The following SORBS3 variants were observed in gnomAD, a reference collection of about 807,000 sequenced individuals.
SORBS3 encodes the protein vinexin.
SORBS3 carries 69 observed loss-of-function variants against 98.0 expected under a neutral mutation model. The observed-to-expected ratio is 0.70, with a 90% confidence interval of 0.58 to 0.86. The LOEUF (loss-of-function observed/expected upper bound fraction) is 0.86, where lower values mean the gene tolerates loss of function less well. SORBS3 is among the 40% of genes least tolerant of loss of function. The pLI is 0.00. For missense variants in SORBS3, 954 were observed against 908.5 expected (o/e 1.05, Z -0.64); for synonymous variants, 394 against 355.4 (o/e 1.11, Z -1.22).
intron 7 of SORBS3, among the ~76,000 whole-genome samples, chr8:22,563,388 G>C (rs1037941538): frequency 1.3e-5 from 2 of 152,196 alleles, no homozygotes; most frequent in Non-Finnish European, 2.9e-5. Context: ...TACTGCAGTG[G>C]CTGGGGTGGT....
chr8:22,549,249 C>T (rs756231999), upstream of SORBS3, among the ~76,000 whole-genome samples: 1 of 152,202 alleles, frequency 6.6e-6, no homozygotes. Context: ...GTCGTGCATG[C>T]AAAGGAGAGA....
In SORBS3 at chr8:22,574,869, C is replaced by A; in HGVS notation, c.*141C>A. ...CTGCAGACGACCCCCGCAGCCTTTC[C>A]CTCGGACCCCCCTCGAAGCCCCCTG... On this transcript the variant is annotated 3_prime_UTR_variant, in exon 21 of 21. Coordinates refer to ENST00000240123, the MANE Select transcript of SORBS3 (RefSeq NM_005775.5). The A allele has an allele frequency of 1.3e-6, 1 of 786,810 alleles. No individual in the cohort carries two copies. The highest frequency in any genetic ancestry group is 2.6e-5 in the East Asian group (1 of 38,944). The allele number at this position is 786,810 out of a possible 1,614,324, so 48.7% of individuals were successfully genotyped here. A position where few individuals can be genotyped will look rare whatever the true frequency, so the allele number is the denominator to read the frequency against.
intron 11 of SORBS3, 177 bp from the exon 12 acceptor site, chr8:22,565,649 C>G (rs887781842): frequency 8.5e-7 from 1 of 1,178,222 alleles, no homozygotes; most frequent in Non-Finnish European, 1.1e-6. Flanking sequence ...CGGGGACCCC[C>G]GCCCCTTCCC....
At chr8:22,551,685 C>G (rs1238617068), upstream of SORBS3, 140 of 969,944 alleles carry the variant, frequency 1.4e-4, no homozygotes, top group Non-Finnish European at 1.6e-4. This position sits in a 1 kb window ranked among gnomAD's most constrained non-coding sequence, Gnocchi z 5.8. Flanking sequence ...CAGGGGGCCA[C>G]CAGTGTCCCC....
At position 22,571,170 on chromosome 8, in the gene SORBS3, C is replaced by T; in HGVS notation, c.1692C>T (p.Pro564=). ...TCGACTTGGGGGGACAGACCTCCCC[C>T]CGTCGCACTGGCTTCTCCTTCCCCA... ...DPIDLGGQTS[P]RRTGFSFPTQ... is the part of the protein sequence containing the mutation. The change falls in exon 18 of 21, where the codon CCC becomes CCT. Residue 564 remains proline (P), a synonymous_variant. Coordinates refer to ENST00000240123, the MANE Select transcript of SORBS3 (RefSeq NM_005775.5). 6.3e-7 allele frequency: 1 copy of T among 1,582,646 alleles called. No homozygotes were observed. Among genetic ancestry groups the T allele is most frequent in the Non-Finnish European group, 8.6e-7 (1 of 1,166,234 alleles).
chr8:22,557,673 C>A (rs1840211232), intron 4 of SORBS3, among the ~76,000 whole-genome samples: 1 of 151,902 alleles, frequency 6.6e-6, no homozygotes, highest in African/African-American at 2.4e-5. Context: ...ATTAGCTAGG[C>A]AAGGTGGTGC....
intron 20 of SORBS3, among the ~76,000 whole-genome samples, chr8:22,573,654 C>T (rs1425231025): frequency 6.8e-6 from 1 of 146,236 alleles, no homozygotes; most frequent in South Asian, 2.3e-4. Flanking sequence ...AAGGGAGGTA[C>T]TCGGGGCAGA....
intron 10 of SORBS3, 82 bp from the exon 11 acceptor site, chr8:22,565,186 C>A: frequency 6.7e-7 from 1 of 1,493,154 alleles, no homozygotes; most frequent in Non-Finnish European, 9.1e-7. Context: ...GCTGGCCTTG[C>A]TTTTCACAGT....
chr8:22,571,689 G>T (rs1031122947), intron 18 of SORBS3, 29 bp from the exon 19 acceptor site: 5 of 1,545,226 alleles, frequency 3.2e-6, no homozygotes, highest in Non-Finnish European at 4.5e-6. Context: ...TCCTCCCTCT[G>T]ACATCCCTTT....
rs542657991 is a variant in SORBS3, at chr8:22,556,871, C to T, written c.377C>T (p.Pro126Leu). ...TGGGTCAAGTACGAGGGAATCGGGC[C>T]CGTGGACGAGAGCGGCATGCCCATT... ...KRWVKYEGIG[P>L]VDESGMPIAP... Residue 126 changes from proline to leucine, a missense_variant, in exon 4 of 21, where the codon CCC (proline) becomes CTC (leucine). Transcript: ENST00000240123. The T allele has an allele frequency of 1.2e-6, 2 of 1,613,354 alleles. No homozygotes were observed. The highest frequency in any genetic ancestry group is 2.7e-5 in the African/African-American group (2 of 75,048).
chr8:22,558,281 C>A, intron 5 of SORBS3, 89 bp downstream of exon 5: 2 of 1,239,362 alleles, frequency 1.6e-6, no homozygotes, highest in Non-Finnish European at 2.4e-6. Flanking sequence ...GGGGACTTAG[C>A]TGCTCAAGGG....
intron 1 of SORBS3, chr8:22,545,320 CTCTTA>C (rs770202558): frequency 4.7e-4 from 72 of 152,278 alleles, no homozygotes; most frequent in African/African-American, 1.4e-3. Context: ...GTGTTGTTTA[CTCTTA>C]TCTTGAGTGT....
At position 22,554,625 on chromosome 8, in the gene SORBS3, G is replaced by C. The variant is rs1458628362; in HGVS notation, c.102+17G>C. 1 of 1,606,412 alleles carries C rather than the reference G, an allele frequency of 6.2e-7. No homozygotes were observed. The highest frequency in any genetic ancestry group is 8.5e-7 in the Non-Finnish European group (1 of 1,178,054). ...GGGACACGGGTGAGTGAGTCAGTAG[G>C]GAGGAGGGTGTCCTGCGGGCCCGGA... On this transcript the variant is annotated intron_variant, in intron 2 of 20. Coordinates refer to ENST00000240123, the MANE Select transcript of SORBS3 (RefSeq NM_005775.5). This position sits in a 1 kb window ranked among gnomAD's most constrained non-coding sequence, Gnocchi z 6.5.
At chr8:22,556,957 A>C in intron 4 of SORBS3, 49 bp downstream of exon 4, 1 of 1,595,172 alleles carries the variant, frequency 6.3e-7, no homozygotes, top group Non-Finnish European at 8.5e-7. Flanking sequence ...AGGGATCTAC[A>C]GGGAGCTGCA....
At chr8:22,569,019 T>C in intron 16 of SORBS3, 129 bp from the exon 17 acceptor site, 1 of 957,290 alleles carries the variant, frequency 1.0e-6, no homozygotes, top group Admixed American at 3.6e-5. Context: ...CCAGGGCTTG[T>C]GTCTGGTGTT....
Position 22,563,972 on chromosome 8 carries a change from C to T in SORBS3, c.585-15C>T. On this transcript the variant is annotated splice_polypyrimidine_tract_variant and intron_variant, in intron 7 of 20. Transcript: ENST00000240123. ...CCTAAAAGGAAGCTGAAGAGATGTC[C>T]TTCCCTTTCTTTAGAAGAAGCTGGG... 1 of 1,601,966 alleles carries T rather than the reference C, an allele frequency of 6.2e-7. No individual in the cohort carries two copies. The highest frequency in any genetic ancestry group is 8.6e-7 in the Non-Finnish European group (1 of 1,169,176).
At chr8:22,566,132 G>T in intron 12 of SORBS3, 1 of 640,712 alleles carries the variant, frequency 1.6e-6, no homozygotes, top group South Asian at 4.7e-5. Flanking sequence ...GCCCCGCCAC[G>T]GCCCAGGCAC....
chr8:22,559,854 A>G (rs770487038), intron 5 of SORBS3, among the ~76,000 whole-genome samples: 1 of 152,024 alleles, frequency 6.6e-6, no homozygotes, highest in Non-Finnish European at 1.5e-5. Context: ...GACTCATTCA[A>G]AAGAGATTTT....
intron 19 of SORBS3, 38 bp downstream of exon 19, chr8:22,571,859 G>T (rs1840595910): frequency 2.1e-6 from 3 of 1,443,376 alleles, no homozygotes; most frequent in East Asian, 4.6e-5. Context: ...AGACGTGGGG[G>T]GGGTCACTGG....
Sources: allele counts gnomAD v4.1 joint callset (sites outside exome capture counted in the v4.1 genomes callset), GRCh38; gene constraint gnomAD v4.1.1; non-coding constraint Gnocchi (gnomAD v3.1); transcripts MANE v1.5; gene names NCBI Gene and HGNC (gene_info 2026-07-23, HGNC 2026-07-21).